The following USH2A variants were observed in gnomAD, a reference collection of about 807,000 sequenced individuals.
The protein encoded by USH2A is usherin.
USH2A carries 443 observed loss-of-function variants against 538.9 expected under a neutral mutation model. The ratio of observed to expected loss-of-function variants is 0.82; its 90% CI spans 0.76 to 0.89. The LOEUF is 0.89. USH2A is among the 40% of genes least tolerant of loss of function. The pLI, the probability that USH2A is intolerant of heterozygous loss-of-function variation, is 0.00. For missense variants in USH2A, 6,633 were observed against 6,324.8 expected (o/e 1.05, Z -1.65); for synonymous variants, 2,413 against 2,273.5 (o/e 1.06, Z -1.75).
At chr1:216,152,073 G>A (rs982532623) in intron 21 of USH2A, among the ~76,000 whole-genome samples, 6 of 151,770 alleles carry the variant, frequency 4.0e-5, no homozygotes, top group Admixed American at 2.0e-4. Context: ...AGGTTCCCAC[G>A]CCGCCCCTAA....
chr1:216,308,887 T>C (rs1287747329), intron 9 of USH2A, among the ~76,000 whole-genome samples: 1 of 152,204 alleles, frequency 6.6e-6, no homozygotes, highest in Non-Finnish European at 1.5e-5. Flanking sequence ...AGTGTGCTTG[T>C]TTTTTGAGTA....
intron 27 of USH2A, among the ~76,000 whole-genome samples, chr1:216,075,817 C>A (rs1484208214): frequency 2.7e-5 from 4 of 149,930 alleles, no homozygotes; most frequent in Non-Finnish European, 4.4e-5. Context: ...GAAAATTAGT[C>A]TTGTATCTGG....
At chr1:215,998,212 G>A (rs554313728) in intron 34 of USH2A, among the ~76,000 whole-genome samples, 10 of 152,052 alleles carry the variant, frequency 6.6e-5, no homozygotes, top group East Asian at 3.9e-4. Context: ...ATTTTCAGAC[G>A]TGCTATTAAA....
chr1:216,326,240 C>G lies in USH2A; in HGVS notation c.849-641G>C, dbSNP rs138466484. Among the ~76,000 whole-genome samples, 610 of 152,300 alleles carry G rather than the reference C, an allele frequency of 4.0e-3. 4 individuals carry two copies. The highest frequency in any genetic ancestry group is 0.014 in the African/African-American group (577 of 41,568). ...TAATTTTTCCATTAGGGGCAATATA[C>G]TTGTTCTAGACCAGAATTAGTCATT... On this transcript the variant is annotated intron_variant, in intron 5 of 71. Coordinates refer to ENST00000307340, the MANE Select transcript of USH2A (RefSeq NM_206933.4).
intron 47 of USH2A, among the ~76,000 whole-genome samples, chr1:215,830,446 C>T (rs1020355814): frequency 7.9e-5 from 12 of 151,708 alleles, no homozygotes; most frequent in African/African-American, 2.9e-4. Flanking sequence ...TGGGGGAAGT[C>T]CTTGTTATTT....
At chr1:215,806,472 C>T (rs1219715369) in intron 49 of USH2A, among the ~76,000 whole-genome samples, 2 of 152,046 alleles carry the variant, frequency 1.3e-5, no homozygotes, top group East Asian at 3.9e-4. Context: ...TCTCCAAGAT[C>T]CTCTGGGGCA....
intron 41 of USH2A, among the ~76,000 whole-genome samples, chr1:215,880,637 G>A (rs976576952): frequency 1.3e-5 from 2 of 152,066 alleles, no homozygotes; most frequent in Non-Finnish European, 2.9e-5. Context: ...CTGTGGACCC[G>A]GAAAATGAGT....
At chr1:215,721,596 T>C (rs1303016140) in intron 61 of USH2A, among the ~76,000 whole-genome samples, 1 of 152,182 alleles carries the variant, frequency 6.6e-6, no homozygotes, top group Non-Finnish European at 1.5e-5. Context: ...TACATGGTTT[T>C]CATCCCCAAT....
intron 4 of USH2A, among the ~76,000 whole-genome samples, chr1:216,358,840 A>G (rs1324912333): frequency 1.3e-5 from 2 of 152,188 alleles, no homozygotes; most frequent in African/African-American, 4.8e-5. Context: ...GTTTAAAAAT[A>G]TCATCTTCAG....
At chr1:216,256,728 T>C (rs1228260014) in intron 11 of USH2A, among the ~76,000 whole-genome samples, 1 of 152,034 alleles carries the variant, frequency 6.6e-6, no homozygotes, top group African/African-American at 2.4e-5. Flanking sequence ...CTTATGATTG[T>C]CCTAAAGATT....
At chr1:216,206,303 T>C (rs2035109999) in intron 16 of USH2A, among the ~76,000 whole-genome samples, 1 of 152,182 alleles carries the variant, frequency 6.6e-6, no homozygotes, top group Admixed American at 6.5e-5. Flanking sequence ...GGTCCCCAAC[T>C]TTTTTGGCCC....
In USH2A at chr1:215,728,326, C is replaced by G. The variant is rs1659893150; in HGVS notation, c.11770G>C (p.Glu3924Gln). 1.2e-6 allele frequency: 2 copies of G among 1,614,062 alleles called. No individual in the cohort carries two copies. Among genetic ancestry groups the G allele is most frequent in the African/African-American group, 2.7e-5 (2 of 74,928 alleles). Residue 3924 changes from glutamate to glutamine, a missense_variant, in exon 61 of 72, where the codon GAA becomes CAA. By Grantham distance (29) the Glu-to-Gln change is conservative. Coordinates refer to ENST00000307340, the MANE Select transcript of USH2A (RefSeq NM_206933.4). ...AGGGTGTCTCCTTCATCCATAAATT[C>G]AAGGGCTCCTTCTGACCAGACAAAT... ...VLFVWSEGAL[E>Q]FMDEGDTLRP...
chr1:215,930,241 A>G (rs976206438), intron 38 of USH2A, among the ~76,000 whole-genome samples: 2 of 152,046 alleles, frequency 1.3e-5, no homozygotes, highest in African/African-American at 4.8e-5. Flanking sequence ...TTTTGGAATA[A>G]TATAAAACTT....
At chr1:215,760,763 A>G (rs1558086410) in intron 56 of USH2A, among the ~76,000 whole-genome samples, 2 of 152,068 alleles carry the variant, frequency 1.3e-5, no homozygotes, top group Non-Finnish European at 2.9e-5. Context: ...AAGATTCTAT[A>G]ATGTATACTT....
At chr1:216,192,386 G>A (rs1007351871) in intron 19 of USH2A, among the ~76,000 whole-genome samples, 4 of 151,984 alleles carry the variant, frequency 2.6e-5, no homozygotes, top group Admixed American at 6.6e-5. Flanking sequence ...GCACAGGAGA[G>A]AGAGTTCAAA....
intron 21 of USH2A, among the ~76,000 whole-genome samples, chr1:216,130,387 C>G (rs1345592336): frequency 6.6e-6 from 1 of 151,586 alleles, no homozygotes; most frequent in African/African-American, 2.4e-5. Context: ...TTAGCTCCCA[C>G]TTTTGAGTGA....
At chr1:215,997,351 A>T (rs1438075202) in intron 34 of USH2A, among the ~76,000 whole-genome samples, 4 of 152,140 alleles carry the variant, frequency 2.6e-5, no homozygotes, top group Non-Finnish European at 4.4e-5. Context: ...TTGACTCCAT[A>T]GAATAGTGTT....
chr1:216,370,911 G>A (rs1184869151), intron 3 of USH2A, among the ~76,000 whole-genome samples: 1 of 152,084 alleles, frequency 6.6e-6, no homozygotes, highest in East Asian at 1.9e-4. Flanking sequence ...CATCCCCTGT[G>A]TACTATAACC....
intron 57 of USH2A, among the ~76,000 whole-genome samples, 170 bp from the exon 58 acceptor site, chr1:215,758,922 G>T (rs55746239): frequency 6.6e-6 from 1 of 152,110 alleles, no homozygotes. Context: ...AGGCAACATT[G>T]TCTCCAAGCC....
Sources: allele counts gnomAD v4.1 joint callset (sites outside exome capture counted in the v4.1 genomes callset), GRCh38; gene constraint gnomAD v4.1.1; transcripts MANE v1.5; gene names NCBI Gene and HGNC (gene_info 2026-07-23, HGNC 2026-07-21).